AUTS2: variants seen among roughly 807,000 people sequenced by gnomAD.
AUTS2 encodes the protein activator of transcription and developmental regulator AUTS2.
AUTS2 carries 17 observed loss-of-function variants against 112.4 expected under a neutral mutation model. That is an observed-to-expected ratio of 0.15 (90% CI 0.10 to 0.23). The LOEUF is 0.23. Among genes scored for constraint, AUTS2 ranks in the 10% least tolerant of loss-of-function variants. The pLI is 1.00. For synonymous variants in AUTS2, 751 were observed against 702.7 expected (o/e 1.07, Z -1.09); for missense variants, 1,510 against 1,701.6 (o/e 0.89, Z 1.98).
At chr7:70,157,216 A>G (rs1807827818) in intron 4 of AUTS2, among the ~76,000 whole-genome samples, 1 of 151,962 alleles carries the variant, frequency 6.6e-6, no homozygotes, top group Admixed American at 6.6e-5. Context: ...CTTTTTAATC[A>G]GCTTTCATCA....
At chr7:70,740,969 C>T (rs1486674277) in intron 6 of AUTS2, among the ~76,000 whole-genome samples, 2 of 151,936 alleles carry the variant, frequency 1.3e-5, no homozygotes, top group Non-Finnish European at 2.9e-5. Flanking sequence ...TGGCATGTAC[C>T]AGTAATTCCA....
At chr7:70,138,750 C>T (rs1806701546) in intron 4 of AUTS2, among the ~76,000 whole-genome samples, 1 of 152,212 alleles carries the variant, frequency 6.6e-6, no homozygotes, top group African/African-American at 2.4e-5. Context: ...TATACATCTT[C>T]AGACGGGATT....
At chr7:69,744,541 A>G (rs1341863407) in intron 1 of AUTS2, among the ~76,000 whole-genome samples, 1 of 152,024 alleles carries the variant, frequency 6.6e-6, no homozygotes, top group Non-Finnish European at 1.5e-5. Flanking sequence ...TTTAAAATAA[A>G]ATACTGTAGG....
chr7:70,333,994 T>C (rs939497431), intron 4 of AUTS2, among the ~76,000 whole-genome samples: 1 of 151,852 alleles, frequency 6.6e-6, no homozygotes, highest in African/African-American at 2.4e-5. Context: ...TTTTGTGTGT[T>C]GATCTTGCAA....
intron 2 of AUTS2, among the ~76,000 whole-genome samples, chr7:69,943,450 T>C (rs1488601636): frequency 6.6e-6 from 1 of 152,242 alleles, no homozygotes; most frequent in East Asian, 1.9e-4. Context: ...TATTCTAAAA[T>C]GCCTGCAAAC....
chr7:69,797,409 A>G (rs1008009475), intron 1 of AUTS2, among the ~76,000 whole-genome samples: 7 of 152,148 alleles, frequency 4.6e-5, no homozygotes, highest in African/African-American at 1.4e-4. Context: ...TCCAGTGCCC[A>G]CTCAGTATTT....
chr7:69,908,517 G>A (rs1795234592), intron 2 of AUTS2, among the ~76,000 whole-genome samples: 1 of 152,190 alleles, frequency 6.6e-6, no homozygotes, highest in Non-Finnish European at 1.5e-5. Flanking sequence ...ACAAATGTGG[G>A]CAAGTCCTGT....
intron 1 of AUTS2, among the ~76,000 whole-genome samples, chr7:69,741,622 T>G (rs1787268777): frequency 6.6e-6 from 1 of 151,784 alleles, no homozygotes; most frequent in Non-Finnish European, 1.5e-5. Flanking sequence ...GGAGGATGGA[T>G]TGAGCCTGGA....
chr7:69,625,748 C>T (rs1396456565), intron 1 of AUTS2, among the ~76,000 whole-genome samples: 1 of 151,932 alleles, frequency 6.6e-6, no homozygotes, highest in Admixed American at 6.6e-5. Context: ...GTCCTGTCTA[C>T]TCGGGAGGCT....
intron 2 of AUTS2, among the ~76,000 whole-genome samples, chr7:70,052,256 G>T (rs566864006): frequency 2.3e-4 from 35 of 152,168 alleles, no homozygotes; most frequent in African/African-American, 7.9e-4. Context: ...TCATGATAGG[G>T]GGTTCCAGGT....
intron 5 of AUTS2, among the ~76,000 whole-genome samples, chr7:70,536,131 C>T (rs921435030): frequency 1.3e-5 from 2 of 152,072 alleles, no homozygotes; most frequent in African/African-American, 2.4e-5. Flanking sequence ...AGTTCGAAAC[C>T]AGCCTGGCCA....
chr7:70,304,186 T>G (rs1022400847), intron 4 of AUTS2, among the ~76,000 whole-genome samples: 3 of 152,202 alleles, frequency 2.0e-5, no homozygotes, highest in Non-Finnish European at 2.9e-5. Context: ...TATCCCAGTT[T>G]GTCTCACTCC....
rs966191747 is a variant in AUTS2 at position 70,112,177 on chromosome 7, T to C, written c.523-5955T>C. On this transcript the variant is annotated intron_variant, in intron 2 of 18. Coordinates refer to ENST00000342771, the MANE Select transcript of AUTS2 (RefSeq NM_015570.4). ...AGTTTTAAAATTTATATATTTATAA[T>C]TTTCATTTTCTTAATTTTTAAATGT... is the stretch of plus-strand genomic sequence containing the variant. Among the ~76,000 whole-genome samples the C allele has an allele frequency of 7.2e-5, 11 of 151,928 alleles. No individual in the cohort carries two copies. The East Asian group carries it at 2.1e-3, about 29-fold the overall frequency.
At chr7:69,741,502 C>T (rs1231592874) in intron 1 of AUTS2, among the ~76,000 whole-genome samples, 3 of 152,156 alleles carry the variant, frequency 2.0e-5, no homozygotes, top group East Asian at 1.9e-4. Context: ...CCCAGGAGTT[C>T]GAGACCAGCC....
chr7:70,367,422 G>T (rs1468087158), intron 4 of AUTS2, among the ~76,000 whole-genome samples: 2 of 151,976 alleles, frequency 1.3e-5, no homozygotes, highest in Non-Finnish European at 2.9e-5. Flanking sequence ...CCGGCATGGT[G>T]ATGGGCGCTT....
intron 4 of AUTS2, among the ~76,000 whole-genome samples, chr7:70,197,500 C>T (rs1350882835): frequency 3.7e-5 from 5 of 133,666 alleles, no homozygotes; most frequent in Admixed American, 7.8e-5. Context: ...GTGCGCGAGC[C>T]GAAGCAGGGC....
chr7:70,577,819 A>AT (rs1802237627), intron 5 of AUTS2, among the ~76,000 whole-genome samples: 1 of 103,396 alleles, frequency 9.7e-6, no homozygotes, highest in African/African-American at 4.5e-5. Context: ...TTTTTTTTTA[A>AT]TTTTTTTCTT....
chr7:70,600,984 A>G (rs1284365145), intron 5 of AUTS2, among the ~76,000 whole-genome samples: 1 of 152,186 alleles, frequency 6.6e-6, no homozygotes, highest in Non-Finnish European at 1.5e-5. Flanking sequence ...TGCTGTGAAC[A>G]TTGGTGTACA....
intron 6 of AUTS2, among the ~76,000 whole-genome samples, chr7:70,743,751 G>A (rs2129554417): frequency 6.6e-6 from 1 of 152,202 alleles, no homozygotes; most frequent in Middle Eastern, 3.4e-3. Context: ...GTCTTATTTT[G>A]TTTACATCTG....
Sources: allele counts gnomAD v4.1 joint callset (sites outside exome capture counted in the v4.1 genomes callset), GRCh38; gene constraint gnomAD v4.1.1; transcripts MANE v1.5; gene names NCBI Gene and HGNC (gene_info 2026-07-23, HGNC 2026-07-21).